MED26: variants seen among roughly 807,000 people sequenced by gnomAD.
The protein encoded by MED26 is mediator complex subunit 26, also known as mediator of RNA polymerase II transcription subunit 26.
A neutral mutation model predicts 43.7 loss-of-function variants in MED26; 7 were observed. The observed-to-expected ratio is 0.16, with a 90% confidence interval of 0.09 to 0.30. MED26 has a LOEUF of 0.30. Among genes scored for constraint, MED26 ranks in the 10% least tolerant of loss-of-function variants. The probability of loss-of-function intolerance (pLI) is 1.00; values close to 1 mark genes in which losing one functional copy is unlikely to be tolerated. For missense variants in MED26, 784 were observed against 840.6 expected (o/e 0.93, Z 0.83); for synonymous variants, 375 against 371.1 (o/e 1.01, Z -0.12).
chr19:16,576,819 G>A lies in MED26; in HGVS notation c.1011C>T (p.Ser337=). Residue 337 remains serine (S), a synonymous_variant, in exon 3 of 3, where the codon AGC becomes AGT. Transcript: ENST00000263390. This position sits in a 1 kb window ranked among gnomAD's most constrained non-coding sequence, Gnocchi z 6.8. ...CAGGCTGCTCAAGCCAGCACACTGG[G>A]CTTTCCGCACTGGGCAGCAGCTCGA... ...RRLELLPSAE[S]PVCWLEQPES... 6.2e-7 allele frequency: 1 copy of A among 1,609,298 alleles called. No homozygotes were observed. The highest frequency in any genetic ancestry group is 8.5e-7 in the Non-Finnish European group (1 of 1,178,832).
intron 1 of MED26, among the ~76,000 whole-genome samples, chr19:16,595,669 C>T (rs1176963362): frequency 2.0e-5 from 3 of 152,208 alleles, no homozygotes; most frequent in Non-Finnish European, 4.4e-5. Context: ...CAATGCTTTC[C>T]TGGGTGACTT....
rs539113767 is a variant in MED26, at chr19:16,578,038, C to T, written c.147+297G>A. On this transcript the variant is annotated intron_variant, in intron 2 of 2. Coordinates refer to ENST00000263390, the MANE Select transcript of MED26 (RefSeq NM_004831.5). ...AGGCGACAGCACAGAGGGTCCGCTTCAAGTGGAGGGTTGGGGATGGTGCCT... is the reference window on the plus strand; with the variant it reads ...AGGCGACAGCACAGAGGGTCCGCTTTAAGTGGAGGGTTGGGGATGGTGCCT... 1.4e-3 allele frequency: 687 copies of T among 506,336 alleles called. 2 individuals carry two copies. The highest frequency in any genetic ancestry group is 2.1e-3 in the Middle Eastern group (4 of 1,942). 31.4% of individuals were successfully genotyped at this position (506,336 alleles called of 1,614,324 possible).
At chr19:16,583,120 G>C (rs2086053746) in intron 1 of MED26, among the ~76,000 whole-genome samples, 1 of 152,240 alleles carries the variant, frequency 6.6e-6, no homozygotes, top group Non-Finnish European at 1.5e-5. Flanking sequence ...ATGGCTTTAA[G>C]GCAGCTCTTC....
Position 16,577,336 on chromosome 19 carries a change from A to G in MED26, c.494T>C (p.Val165Ala). 2 of 1,611,122 alleles carry G rather than the reference A, an allele frequency of 1.2e-6. No individual in the cohort carries two copies. The highest frequency in any genetic ancestry group is 1.7e-6 in the Non-Finnish European group (2 of 1,178,898). Residue 165 changes from valine (V) to alanine (A), a missense_variant, in exon 3 of 3, where the codon GTC (valine) becomes GCC (alanine). Physicochemically the swap from Val to Ala is moderately conservative, Grantham distance 64. Around this residue, in one of 3 missense-constraint regions of MED26, gnomAD observed 719 missense variants for 730.9 expected, o/e 0.98. Coordinates refer to ENST00000263390, the MANE Select transcript of MED26 (RefSeq NM_004831.5). The surrounding 1 kb of genome is among the most constrained non-coding windows in gnomAD (Gnocchi z 8.1). Reference protein sequence around the residue: ...DLGHPGPPPKVSKASHDPLVP... With the variant: ...DLGHPGPPPKASKASHDPLVP... ...CAGGGGGTCGTGGCTAGCTTTGGAG[A>G]CCTTGGGTGGCGGCCCTGGGTGGCC...
At position 16,607,798 on chromosome 19, in the gene MED26, C is replaced by A. The variant is rs3786596; in HGVS notation, c.72+20074G>T. 3.9e-5 allele frequency among the ~76,000 whole-genome samples: 6 copies of A among 152,378 alleles called. No homozygotes were observed. In the East Asian group the frequency reaches 1.2e-3, roughly 29 times the overall value. ...TTATGTGCAGCCCAAGACAATCCTT[C>A]TTCCAATGTGGCTCAGAGAAGCCAA... On this transcript the variant is annotated intron_variant, in intron 1 of 2. Transcript: ENST00000263390.
intron 2 of MED26, chr19:16,578,130 A>G (rs1734505461): frequency 3.3e-6 from 2 of 604,246 alleles, no homozygotes; most frequent in South Asian, 2.0e-5. Flanking sequence ...TGTGCTGGGC[A>G]TGTAGGATGG....
At position 16,616,397 on chromosome 19, in the gene MED26, TGA is replaced by T. The variant is rs750585554; in HGVS notation, c.72+11473_72+11474del. 3.9e-5 allele frequency among the ~76,000 whole-genome samples: 6 copies of T among 152,306 alleles called. No homozygotes were observed. In the East Asian group the frequency reaches 9.6e-4, roughly 24 times the overall value. ...CTCCACTATATGCCACCTAAAGAGCTGAGACTCTATCCAGCCAGCAACACGAC... is the reference window on the plus strand; with the variant it reads ...CTCCACTATATGCCACCTAAAGAGCTGACTCTATCCAGCCAGCAACACGAC... On this transcript the variant is annotated intron_variant, in intron 1 of 2. Transcript: ENST00000263390.
chr19:16,600,285 G>T (rs2086142602), intron 1 of MED26, among the ~76,000 whole-genome samples: 1 of 152,156 alleles, frequency 6.6e-6, no homozygotes, highest in Admixed American at 6.5e-5. Context: ...GCTGAGGAAA[G>T]GAGAGCAGAT....
chr19:16,599,420 C>T (rs561226256), intron 1 of MED26, among the ~76,000 whole-genome samples: 2 of 152,268 alleles, frequency 1.3e-5, no homozygotes, highest in South Asian at 2.1e-4. Flanking sequence ...ACGCCTCTCA[C>T]AAACACAGAG....
intron 1 of MED26, among the ~76,000 whole-genome samples, chr19:16,609,515 T>A (rs2086189936): frequency 6.6e-6 from 1 of 152,100 alleles, no homozygotes; most frequent in African/African-American, 2.4e-5. Context: ...TTTATACTAG[T>A]AAAACTCATA....
intron 1 of MED26, among the ~76,000 whole-genome samples, chr19:16,620,089 C>A (rs2086245048): frequency 6.6e-6 from 1 of 152,316 alleles, no homozygotes; most frequent in Middle Eastern, 3.4e-3. Flanking sequence ...GGAAAACACA[C>A]CTCACACCCC....
intron 1 of MED26, among the ~76,000 whole-genome samples, chr19:16,598,521 G>A (rs748426157): frequency 1.3e-5 from 2 of 151,986 alleles, no homozygotes; most frequent in Non-Finnish European, 2.9e-5. Flanking sequence ...TAACCCAGCA[G>A]CACTTGCTGG....
rs761217980 is a variant in MED26 at position 16,577,163 on chromosome 19, C to T, written c.667G>A (p.Val223Ile). The change falls in exon 3 of 3, where the codon GTC becomes ATC. Residue 223 changes from valine (V) to isoleucine (I), a missense_variant. Around this residue, in one of 3 missense-constraint regions of MED26, gnomAD observed 719 missense variants for 730.9 expected, o/e 0.98. Coordinates refer to ENST00000263390, the MANE Select transcript of MED26 (RefSeq NM_004831.5). This position sits in a 1 kb window ranked among gnomAD's most constrained non-coding sequence, Gnocchi z 8.1. ...ENDKHSGKIP[V>I]NAVRPHTSSP... ...CTGGTGTGCGGTCGCACGGCGTTGA[C>T]GGGGATCTTGCCACTGTGCTTGTCA... 1.7e-5 allele frequency: 27 copies of T among 1,613,290 alleles called. No individual in the cohort carries two copies. The highest frequency in any genetic ancestry group is 1.9e-5 in the Non-Finnish European group (23 of 1,179,920).
intron 1 of MED26, among the ~76,000 whole-genome samples, chr19:16,615,668 A>T (rs1223391175): frequency 6.6e-6 from 1 of 151,734 alleles, no homozygotes; most frequent in Non-Finnish European, 1.5e-5. Flanking sequence ...ACTGCTTGAA[A>T]CCAGGAGGCA....
rs577661611 is a variant in MED26, at chr19:16,576,068, C to T, written c.1762G>A (p.Asp588Asn). 1.9e-5 allele frequency: 30 copies of T among 1,613,772 alleles called. No homozygotes were observed. The highest frequency in any genetic ancestry group is 5.3e-5 in the African/African-American group (4 of 75,048). Reference sequence around the variant, plus strand: ...TAAGGCAGAATGTTCAAGCGCCCGTCGTCGCCGTGCGGATCGAGCGATATG... The same window carrying T: ...TAAGGCAGAATGTTCAAGCGCCCGTTGTCGCCGTGCGGATCGAGCGATATG... ...QCISLDPHGD[D>N]GRLNILPYVC... Residue 588 changes from aspartate (D) to asparagine (N), a missense_variant, in exon 3 of 3, where the codon GAC becomes AAC. Asp to Asn is a conservative substitution (Grantham distance 23, BLOSUM62 1). This residue lies in a region of MED26 where 719 missense variants were observed against 730.9 expected (regional missense o/e 0.98). Transcript: ENST00000263390. This position sits in a 1 kb window ranked among gnomAD's most constrained non-coding sequence, Gnocchi z 6.8.
chr19:16,624,676 G>A (rs1313457969), intron 1 of MED26: 1 of 152,210 alleles, frequency 6.6e-6, no homozygotes, highest in African/African-American at 2.4e-5. Context: ...AGCATCTCAA[G>A]CCACCTGTGA....
chr19:16,593,090 C>T lies in MED26; in HGVS notation c.73-14681G>A, dbSNP rs1736397286. On this transcript the variant is annotated intron_variant, in intron 1 of 2. Transcript: ENST00000263390. ...CAGCACCTGGTCCCCAGGAGGGCCA[C>T]CAGCCCACAGCCTGCAAGGAGAAAA... 2.6e-5 allele frequency among the ~76,000 whole-genome samples: 4 copies of T among 152,240 alleles called. No homozygotes were observed. The South Asian group carries it at 8.3e-4, about 31-fold the overall frequency.
chr19:16,584,647 C>T (rs1039108165), intron 1 of MED26, among the ~76,000 whole-genome samples: 2 of 152,218 alleles, frequency 1.3e-5, no homozygotes, highest in South Asian at 2.1e-4. Context: ...TAAAGACCCA[C>T]CACGCATCCT....
In MED26 at chr19:16,576,260, C is replaced by G. The variant is rs1568278043; in HGVS notation, c.1570G>C (p.Gly524Arg). 3.1e-6 allele frequency: 5 copies of G among 1,611,348 alleles called. No homozygotes were observed. The highest frequency in any genetic ancestry group is 4.2e-6 in the Non-Finnish European group (5 of 1,180,022). ...ACCAGCACATGCAGCTGCCTGGCCC[C>G]TTGCCGGGTGCTCTCCTCCTGCTTC... The part of the protein sequence containing the change: ...YLKQEESTRQ[G>R]ARQLHVLVPQ... The change falls in exon 3 of 3, where the codon GGG becomes CGG. Residue 524 changes from glycine (G) to arginine (R), a missense_variant. Coordinates refer to ENST00000263390, the MANE Select transcript of MED26 (RefSeq NM_004831.5). This position sits in a 1 kb window ranked among gnomAD's most constrained non-coding sequence, Gnocchi z 6.8.
Sources: gnomAD v4.1 joint callset for allele counts (sites outside exome capture counted in the v4.1 genomes callset) on GRCh38, gnomAD v4.1.1 for gene constraint, gnomAD v4.1.1 regional missense constraint, Gnocchi (gnomAD v3.1) non-coding constraint, MANE v1.5 for transcripts, NCBI Gene and HGNC (gene_info 2026-07-23, HGNC 2026-07-21) for gene names.